PLEKHD1: variants seen among roughly 807,000 people sequenced by gnomAD.
PLEKHD1 encodes pleckstrin homology and coiled-coil domain containing D1.
A neutral mutation model predicts 69.2 loss-of-function variants in PLEKHD1; 51 were observed. The ratio of observed to expected loss-of-function variants is 0.74; its 90% confidence interval spans 0.59 to 0.93. The LOEUF (loss-of-function observed/expected upper bound fraction) is 0.93. PLEKHD1 is among the 40% of genes least tolerant of loss of function. The pLI is 0.00. For synonymous variants in PLEKHD1, 236 were observed against 244.7 expected, an observed-to-expected ratio of 0.96 and a Z score of 0.33; for missense variants, 584 against 641.0, an observed-to-expected ratio of 0.91 and a Z score of 0.96.
Position 69,530,491 on chromosome 14 carries a change from C to T in PLEKHD1, c.*2072C>T, listed in dbSNP as rs1883768271. On this transcript the variant is annotated 3_prime_UTR_variant, in exon 13 of 13. Coordinates refer to ENST00000322564, the MANE Select transcript of PLEKHD1 (RefSeq NM_001161498.2). Reference sequence around the variant, plus strand: ...TTTATAAAACCAAGATTACTGTTTCCTTTTTTTTAAAAGAATTAATCATGG... The same window carrying T: ...TTTATAAAACCAAGATTACTGTTTCTTTTTTTTTAAAAGAATTAATCATGG... The T allele has an allele frequency of 6.6e-6, 1 of 151,960 alleles. No homozygotes were observed. Among genetic ancestry groups the T allele is most frequent in the African/African-American group, 2.4e-5 (1 of 41,364 alleles). The allele number at this position is 151,960 out of a possible 1,614,324, so 9.4% of individuals were successfully genotyped here. A position where few individuals can be genotyped will look rare whatever the true frequency, so the allele number is the denominator to read the frequency against.
chr14:69,514,378 A>G (rs1295824), intron 6 of PLEKHD1, among the ~76,000 whole-genome samples: 48,405 of 151,754 alleles, frequency 0.32, 9,004 homozygotes, highest in African/African-American at 0.51. Context: ...CATCATAAGC[A>G]TTCTTCACTC....
At chr14:69,501,091 C>T (rs1301067159) in intron 4 of PLEKHD1, 144 bp downstream of exon 4, 5 of 840,266 alleles carry the variant, frequency 6.0e-6, no homozygotes, top group Admixed American at 2.2e-5. Context: ...GGAGAGCAGA[C>T]AGGCCAGGTT....
chr14:69,501,873 G>A, intron 5 of PLEKHD1, 48 bp downstream of exon 5: 2 of 1,456,968 alleles, frequency 1.4e-6, no homozygotes, highest in Non-Finnish European at 1.9e-6. Flanking sequence ...TTGGGGACCA[G>A]GGGCTATAGC....
rs1162412450 is a variant in PLEKHD1, at chr14:69,506,891, C to CTTTTTTTTTTTTTTT, written c.555+4026_555+4040dup. 2.3e-3 allele frequency among the ~76,000 whole-genome samples: 176 copies of CTTTTTTTTTTTTTTT among 78,062 alleles called. 8 individuals are homozygous for CTTTTTTTTTTTTTTT. The highest frequency in any genetic ancestry group is 6.2e-3 in the East Asian group (17 of 2,752). 51.2% of individuals were successfully genotyped at this position (78,062 alleles called of 152,430 possible). ...ACTGTCCTAAAAATCCTGGCAACTGCTTTTTTTTTTTTTTTTTTTTTTTTT... is the reference window on the plus strand; with the variant it reads ...ACTGTCCTAAAAATCCTGGCAACTGCTTTTTTTTTTTTTTTTTTTTTTTTTTTTTTTTTTTTTTTT... On this transcript the variant is annotated intron_variant, in intron 6 of 12. Coordinates refer to ENST00000322564, the MANE Select transcript of PLEKHD1 (RefSeq NM_001161498.2).
Position 69,492,086 on chromosome 14 carries a change from C to CA in PLEKHD1, c.149+6973dup, listed in dbSNP as rs553351162. 2.0e-5 allele frequency among the ~76,000 whole-genome samples: 3 copies of CA among 152,322 alleles called. No homozygotes were observed. In the South Asian group the frequency reaches 6.2e-4, roughly 32 times the overall value. ...GTCCAGCGTCTTCACAAGGACTACTCACTCTGCCCCGCTCTGTCCCTGCTC... is the reference window on the plus strand; with the variant it reads ...GTCCAGCGTCTTCACAAGGACTACTCAACTCTGCCCCGCTCTGTCCCTGCTC... On this transcript the variant is annotated intron_variant, in intron 1 of 12. Coordinates refer to ENST00000322564, the MANE Select transcript of PLEKHD1 (RefSeq NM_001161498.2).
chr14:69,487,942 A>G (rs1016274028), intron 1 of PLEKHD1, among the ~76,000 whole-genome samples: 2 of 152,160 alleles, frequency 1.3e-5, no homozygotes, highest in African/African-American at 4.8e-5. Context: ...TCCACCTCCC[A>G]AATCCCTGCT....
At chr14:69,474,087 A>G in the PLEKHD1 span, among the ~76,000 whole-genome samples, 9 of 152,200 alleles carry the variant, frequency 5.9e-5, no homozygotes, top group Admixed American at 4.6e-4. Flanking sequence ...CACCCTCCCC[A>G]CCCACTCATC....
chr14:69,512,629 T>C (rs1883295287), intron 6 of PLEKHD1, among the ~76,000 whole-genome samples: 1 of 152,238 alleles, frequency 6.6e-6, no homozygotes, highest in African/African-American at 2.4e-5. Context: ...TTGATATTTC[T>C]TCTTTGACAC....
At chr14:69,478,065 C>T in the PLEKHD1 span, among the ~76,000 whole-genome samples, 2 of 152,380 alleles carry the variant, frequency 1.3e-5, no homozygotes, top group Admixed American at 1.3e-4. Context: ...CCAGGTGTTT[C>T]CATACATCTG....
intron 6 of PLEKHD1, among the ~76,000 whole-genome samples, chr14:69,519,909 C>T (rs1883471986): frequency 6.6e-6 from 1 of 152,100 alleles, no homozygotes; most frequent in African/African-American, 2.4e-5. Context: ...CGCCTATAAT[C>T]CCAGCACTTT....
chr14:69,500,887 CT>C lies in PLEKHD1; in HGVS notation c.351del (p.Ala118LeufsTer20). 6.4e-7 allele frequency: 1 copy of C among 1,551,690 alleles called. No individual in the cohort carries two copies. The highest frequency in any genetic ancestry group is 8.7e-7 in the Non-Finnish European group (1 of 1,147,004). ...HQDFHGNILL[A>X]AESEFEQTQW... Reference sequence around the variant, plus strand: ...TCCTGGCAGGGGAACATCTTGCTTGCTGCTGAGTCGGAGTTTGAGCAGACCC... The same window carrying C: ...TCCTGGCAGGGGAACATCTTGCTTGCGCTGAGTCGGAGTTTGAGCAGACCC... On this transcript the variant is annotated frameshift_variant, in exon 4 of 13. Coordinates refer to ENST00000322564, the MANE Select transcript of PLEKHD1 (RefSeq NM_001161498.2). LOFTEE classifies it high-confidence loss of function.
At chr14:69,500,978 C>A (rs1883012368) in intron 4 of PLEKHD1, 31 bp downstream of exon 4, 1 of 1,548,116 alleles carries the variant, frequency 6.5e-7, no homozygotes, top group Middle Eastern at 1.7e-4. Context: ...GGGCAGCCTG[C>A]AGATCCAGGA....
chr14:69,480,762 C>A (rs1295922278), upstream of PLEKHD1, among the ~76,000 whole-genome samples: 2 of 152,212 alleles, frequency 1.3e-5, no homozygotes, highest in Non-Finnish European at 1.5e-5. Context: ...AAGCAAGTCA[C>A]CTGCCTCAGC....
chr14:69,498,032 GTTTTATTTTATTTTA>G (rs201092988), intron 1 of PLEKHD1, among the ~76,000 whole-genome samples: 64 of 137,062 alleles, frequency 4.7e-4, no homozygotes, highest in Admixed American at 6.5e-4. Flanking sequence ...ATTTTATTTT[GTTTTATTTTATTTTA>G]TTTTATTTTA....
intron 2 of PLEKHD1, 174 bp downstream of exon 2, chr14:69,500,382 C>G: frequency 1.4e-6 from 1 of 699,342 alleles, no homozygotes. Flanking sequence ...GACCCTCACT[C>G]TCCTGTGCCC....
chr14:69,490,964 C>G (rs775860487), intron 1 of PLEKHD1, among the ~76,000 whole-genome samples: 1 of 152,164 alleles, frequency 6.6e-6, no homozygotes, highest in Non-Finnish European at 1.5e-5. Flanking sequence ...TGTTCGCCTT[C>G]CTGGAAAATG....
intron 1 of PLEKHD1, among the ~76,000 whole-genome samples, chr14:69,497,612 C>T (rs1882915808): frequency 6.6e-6 from 1 of 152,222 alleles, no homozygotes; most frequent in Admixed American, 6.5e-5. Context: ...TGTGCAGGAC[C>T]ACGCAAGTGT....
At position 69,526,740 on chromosome 14, in the gene PLEKHD1, C is replaced by G. The variant is rs746277686; in HGVS notation, c.967C>G (p.Arg323Gly). Residue 323 changes from arginine (R) to glycine (G), a missense_variant, in exon 10 of 13, where the codon CGT becomes GGT. By Grantham distance (125) the Arg-to-Gly change is moderately radical (BLOSUM62 -2). Coordinates refer to ENST00000322564, the MANE Select transcript of PLEKHD1 (RefSeq NM_001161498.2). ...GCGCTCACGGGCCCTGGAGGAGGAG[C>G]GTGAGTTCTACTCCAGCCAGTCCCA... ...EERSRALEEEREFYSSQSQAL... is the reference protein window; with the variant it reads ...EERSRALEEEGEFYSSQSQAL... 28 of 1,547,848 alleles carry G rather than the reference C, an allele frequency of 1.8e-5. No individual in the cohort carries two copies. The highest frequency in any genetic ancestry group is 1.7e-4 in the Middle Eastern group (1 of 5,996).
At chr14:69,493,497 G>A (rs959732304) in intron 1 of PLEKHD1, among the ~76,000 whole-genome samples, 5 of 152,174 alleles carry the variant, frequency 3.3e-5, no homozygotes, top group African/African-American at 7.2e-5. Flanking sequence ...AAACAAGCAC[G>A]TTCACAACTA....
Sources: allele counts gnomAD v4.1 joint callset (sites outside exome capture counted in the v4.1 genomes callset), GRCh38; gene constraint gnomAD v4.1.1; transcripts MANE v1.5; gene names NCBI Gene and HGNC (gene_info 2026-07-23, HGNC 2026-07-21).